PDE1C: variants seen among roughly 807,000 people sequenced by gnomAD.
PDE1C encodes dual specificity calcium/calmodulin-dependent 3',5'-cyclic nucleotide phosphodiesterase 1C.
In PDE1C, 62 loss-of-function variants were observed where a neutral mutation model predicts 93.1. The observed-to-expected ratio is 0.67, with a 90% CI of 0.54 to 0.82. The LOEUF is 0.82. PDE1C is among the 40% of genes least tolerant of loss of function. The probability of loss-of-function intolerance (pLI) is 0.00; values close to 1 mark genes in which losing one functional copy is unlikely to be tolerated. For missense variants in PDE1C, 742 were observed against 884.6 expected, an observed-to-expected ratio of 0.84 and a Z score of 2.04; for synonymous variants, 325 against 310.1, an observed-to-expected ratio of 1.05 and a Z score of -0.50.
intron 2 of PDE1C, among the ~76,000 whole-genome samples, chr7:31,898,021 TG>T (rs879440240): frequency 0.17 from 3,280 of 18,818 alleles, 41 homozygotes; most frequent in Non-Finnish European, 0.2. Context: ...TTGGTTTCTT[TG>T]TGTGTGTGTG....
At chr7:32,426,715 C>T (rs1583440493) in intron 1 of PDE1C, among the ~76,000 whole-genome samples, 1 of 152,268 alleles carries the variant, frequency 6.6e-6, no homozygotes, top group East Asian at 1.9e-4. Flanking sequence ...AAACATGTTT[C>T]ACAATGATAA....
chr7:32,050,635 A>T (rs759655755), intron 2 of PDE1C, among the ~76,000 whole-genome samples: 10 of 152,182 alleles, frequency 6.6e-5, no homozygotes, highest in Non-Finnish European at 1.5e-4. Context: ...TATAATTTTT[A>T]AAAGATGAAC....
chr7:31,963,714 C>T (rs1809416494), intron 2 of PDE1C, among the ~76,000 whole-genome samples: 1 of 152,156 alleles, frequency 6.6e-6, no homozygotes, highest in Non-Finnish European at 1.5e-5. Context: ...AATTGGTTTC[C>T]TTGCAAGAGA....
At chr7:32,295,887 C>T (rs1340821576) in intron 1 of PDE1C, among the ~76,000 whole-genome samples, 1 of 84,958 alleles carries the variant, frequency 1.2e-5, no homozygotes, top group Non-Finnish European at 2.2e-5. Context: ...GAGCGAGACT[C>T]TGTCTCAAAA....
intron 1 of PDE1C, among the ~76,000 whole-genome samples, chr7:32,404,214 T>A (rs748306510): frequency 1.6e-4 from 25 of 152,198 alleles, no homozygotes; most frequent in Non-Finnish European, 3.4e-4. Flanking sequence ...AGGGTTGCTA[T>A]GAGGGCTCAA....
chr7:32,349,105 C>A (rs215687), intron 1 of PDE1C, among the ~76,000 whole-genome samples: 7 of 152,152 alleles, frequency 4.6e-5, no homozygotes, highest in African/African-American at 1.2e-4. Flanking sequence ...GCCAGGGACC[C>A]CTTCCAAGTG....
At chr7:31,647,673 C>CAAAAAA in the PDE1C span, among the ~76,000 whole-genome samples, 8 of 69,344 alleles carry the variant, frequency 1.2e-4, no homozygotes, top group Non-Finnish European at 1.7e-4. Context: ...GTCTCCGTCT[C>CAAAAAA]AAAAAAAAAA....
intron 2 of PDE1C, among the ~76,000 whole-genome samples, chr7:32,200,760 C>G (rs779882536): frequency 6.6e-6 from 1 of 152,184 alleles, no homozygotes; most frequent in Non-Finnish European, 1.5e-5. Context: ...ATCATATCAT[C>G]TCTGCCACAT....
intron 3 of PDE1C, among the ~76,000 whole-genome samples, chr7:32,082,784 C>T (rs1452836633): frequency 1.3e-5 from 2 of 152,210 alleles, no homozygotes; most frequent in African/African-American, 4.8e-5. Context: ...AGACCTGCAG[C>T]TGAGGGTCCT....
chr7:31,953,358 G>T (rs1563090256), intron 2 of PDE1C, among the ~76,000 whole-genome samples: 1 of 152,240 alleles, frequency 6.6e-6, no homozygotes, highest in South Asian at 2.1e-4. Flanking sequence ...TTGGGAGAGA[G>T]GAGGGAGGCT....
intron 5 of PDE1C, among the ~76,000 whole-genome samples, chr7:31,874,692 T>C (rs1437136157): frequency 6.6e-6 from 1 of 152,256 alleles, no homozygotes; most frequent in Admixed American, 6.5e-5. Context: ...AATTGAATTG[T>C]TCCAATTCAC....
intron 2 of PDE1C, among the ~76,000 whole-genome samples, chr7:31,906,227 T>C (rs185514244): frequency 1.3e-5 from 2 of 152,338 alleles, no homozygotes; most frequent in Admixed American, 1.3e-4. Flanking sequence ...CAAACACCCA[T>C]GTTTAACACC....
At chr7:32,053,557 G>A (rs1482604664) in intron 1 of PDE1C, among the ~76,000 whole-genome samples, 1 of 152,178 alleles carries the variant, frequency 6.6e-6, no homozygotes, top group African/African-American at 2.4e-5. Context: ...CAAAGGCAAG[G>A]AGGCAGTTGG....
chr7:31,809,092 A>G lies in PDE1C; in HGVS notation c.1830T>C (p.Gly610=), dbSNP rs3213709. Residue 610 remains glycine, a synonymous_variant, in exon 16 of 18, where the codon GGT becomes GGC. Coordinates refer to ENST00000396191, the MANE Select transcript of PDE1C (RefSeq NM_001191057.4). Reference sequence around the variant, plus strand: ...GATCCTTCTTGTCTGTCTTATTTTTACCATCTTTGAAGTCACCTGAAAGTA... The same window carrying G: ...GATCCTTCTTGTCTGTCTTATTTTTGCCATCTTTGAAGTCACCTGAAAGTA... The part of the protein sequence containing the change: ...EQQQNGDFKD[G]KNKTDKKDHS... 305,891 of 1,582,904 alleles carry G rather than the reference A, an allele frequency of 0.19. 30,873 individuals carry two copies. The highest frequency in any genetic ancestry group is 0.27 in the Middle Eastern group (1,635 of 5,970).
At chr7:31,743,829 C>A in the PDE1C span, among the ~76,000 whole-genome samples, 1 of 152,154 alleles carries the variant, frequency 6.6e-6, no homozygotes, top group Non-Finnish European at 1.5e-5. Context: ...GGAGCCCAGG[C>A]AAATTCAGTC....
intron 1 of PDE1C, among the ~76,000 whole-genome samples, chr7:32,246,570 C>T (rs1479114138): frequency 6.6e-6 from 1 of 152,102 alleles, no homozygotes; most frequent in Non-Finnish European, 1.5e-5. Context: ...AGTGAGCCTA[C>T]ACAGAATGTG....
chr7:32,048,964 T>G (rs1792982588), intron 2 of PDE1C, among the ~76,000 whole-genome samples: 1 of 152,176 alleles, frequency 6.6e-6, no homozygotes, highest in African/African-American at 2.4e-5. Context: ...AAATTGACAT[T>G]GTAATTTGAA....
chr7:31,831,488 ACACATGCACG>A (rs1315008104), intron 11 of PDE1C, among the ~76,000 whole-genome samples: 1 of 112,938 alleles, frequency 8.9e-6, no homozygotes, highest in Non-Finnish European at 1.9e-5. Flanking sequence ...ACACACACAC[ACACATGCACG>A]CACACACACA....
chr7:32,414,842 A>T (rs10239897), intron 1 of PDE1C, among the ~76,000 whole-genome samples: 10,906 of 151,680 alleles, frequency 0.072, 591 homozygotes, highest in African/African-American at 0.15. Flanking sequence ...AAAAAAAAAA[A>T]GCCTGTAAAA....
Sources: gnomAD v4.1 joint callset for allele counts (sites outside exome capture counted in the v4.1 genomes callset) on GRCh38, gnomAD v4.1.1 for gene constraint, MANE v1.5 for transcripts, NCBI Gene and HGNC (gene_info 2026-07-23, HGNC 2026-07-21) for gene names.